RAB8B: variants seen among roughly 807,000 people sequenced by gnomAD.
The protein encoded by RAB8B is RAB8B, member RAS oncogene family.
A neutral mutation model predicts 32.0 loss-of-function variants in RAB8B; 11 were observed. That is an observed-to-expected ratio of 0.34 (90% confidence interval 0.22 to 0.57). The LOEUF (loss-of-function observed/expected upper bound fraction) is 0.57, where lower values mean the gene tolerates loss of function less well. Among genes scored for constraint, RAB8B ranks in the 20% least tolerant of loss-of-function variants. The pLI is 0.86. For synonymous variants in RAB8B, 103 were observed against 89.6 expected (o/e 1.15, Z -0.85); for missense variants, 190 against 258.5 (o/e 0.73, Z 1.82).
At chr15:63,252,591 G>T (rs2038125583) in intron 3 of RAB8B, among the ~76,000 whole-genome samples, 2 of 151,832 alleles carry the variant, frequency 1.3e-5, no homozygotes, top group African/African-American at 4.8e-5. Context: ...GTAGAGCTAG[G>T]GCAGTTATTT....
chr15:63,206,169 T>C (rs1315140304), intron 1 of RAB8B, among the ~76,000 whole-genome samples: 4 of 152,256 alleles, frequency 2.6e-5, no homozygotes, highest in Admixed American at 2.6e-4. Context: ...TATTATTGCC[T>C]ATGGTCTTTT....
intron 1 of RAB8B, among the ~76,000 whole-genome samples, chr15:63,224,274 CAT>C (rs2037871164): frequency 6.6e-6 from 1 of 152,138 alleles, no homozygotes; most frequent in South Asian, 2.1e-4. Flanking sequence ...ATATTCATCC[CAT>C]GTTGGAAGAT....
At chr15:63,232,103 G>A (rs1446287831) in intron 1 of RAB8B, among the ~76,000 whole-genome samples, 3 of 152,146 alleles carry the variant, frequency 2.0e-5, no homozygotes, top group African/African-American at 7.2e-5. Context: ...TACCTGAGTT[G>A]TAGCTGTATT....
At chr15:63,255,304 G>C (rs2038150595) in intron 3 of RAB8B, among the ~76,000 whole-genome samples, 1 of 152,050 alleles carries the variant, frequency 6.6e-6, no homozygotes, top group African/African-American at 2.4e-5. Context: ...ATGTTAAAAG[G>C]GTTTTTATTT....
At chr15:63,235,850 G>A (rs1176726276) in intron 1 of RAB8B, among the ~76,000 whole-genome samples, 1 of 151,842 alleles carries the variant, frequency 6.6e-6, no homozygotes. Context: ...CACTGCTCGA[G>A]TATTCCTACT....
intron 1 of RAB8B, among the ~76,000 whole-genome samples, chr15:63,191,891 CTTTT>C: frequency 6.6e-6 from 1 of 152,250 alleles, no homozygotes; most frequent in African/African-American, 2.4e-5. Context: ...TTAAAAATTA[CTTTT>C]CATTTTGAAG....
At chr15:63,224,496 C>A (rs769432497) in intron 1 of RAB8B, among the ~76,000 whole-genome samples, 17 of 150,422 alleles carry the variant, frequency 1.1e-4, no homozygotes, top group Non-Finnish European at 1.9e-4. Flanking sequence ...ACCTAATTGC[C>A]CCATCTCCTT....
Position 63,218,918 on chromosome 15 carries a change from G to A in RAB8B, c.125-25838G>A, listed in dbSNP as rs78430834. Among the ~76,000 whole-genome samples the A allele has an allele frequency of 5.6e-3, 843 of 150,900 alleles. 7 individuals carry two copies. Among genetic ancestry groups the A allele is most frequent in the African/African-American group, 0.018 (754 of 41,198 alleles). On this transcript the variant is annotated intron_variant, in intron 1 of 7. Coordinates refer to ENST00000321437, the MANE Select transcript of RAB8B (RefSeq NM_016530.3). The stretch of plus-strand genomic sequence containing the variant: ...CTTAAGTTTAACAAATATTTTAGGG[G>A]CAGCTATATACAAGACCCTGAAGTT...
chr15:63,249,598 T>C (rs1406155926), intron 2 of RAB8B, 47 bp from the exon 3 acceptor site: 1 of 1,560,622 alleles, frequency 6.4e-7, no homozygotes, highest in Non-Finnish European at 8.8e-7. Context: ...TCCTCAGTGA[T>C]GCTGGTGATG....
chr15:63,233,770 G>A (rs764499592), intron 1 of RAB8B, among the ~76,000 whole-genome samples: 3 of 152,098 alleles, frequency 2.0e-5, no homozygotes, highest in Non-Finnish European at 2.9e-5. Flanking sequence ...CTGGGATCAC[G>A]TGTTTCCAAA....
chr15:63,244,932 C>T (rs962050535), intron 2 of RAB8B, 116 bp downstream of exon 2: 13 of 872,242 alleles, frequency 1.5e-5, no homozygotes, highest in African/African-American at 5.1e-5. Flanking sequence ...TTTTCTTTAT[C>T]GGAACCAAGG....
intron 1 of RAB8B, among the ~76,000 whole-genome samples, chr15:63,196,189 T>C (rs2037598291): frequency 6.6e-6 from 1 of 152,144 alleles, no homozygotes; most frequent in African/African-American, 2.4e-5. Context: ...TGAGGGCCAT[T>C]ACAATAAGGG....
At chr15:63,262,436 A>G (rs974139421) in intron 6 of RAB8B, among the ~76,000 whole-genome samples, 1 of 152,076 alleles carries the variant, frequency 6.6e-6, no homozygotes, top group African/African-American at 2.4e-5. Context: ...TTAAAGTGGT[A>G]TATTTATATT....
At chr15:63,263,473 A>G in intron 7 of RAB8B, 54 bp from the exon 8 acceptor site, 1 of 1,365,828 alleles carries the variant, frequency 7.3e-7, no homozygotes, top group Non-Finnish European at 1.0e-6. Context: ...TAGGTAACTG[A>G]GGTCAAACCA....
At chr15:63,229,767 C>CAAGA (rs2037919464) in intron 1 of RAB8B, among the ~76,000 whole-genome samples, 2 of 93,482 alleles carry the variant, frequency 2.1e-5, no homozygotes, top group Non-Finnish European at 3.8e-5. Flanking sequence ...GGTGACAGAG[C>CAAGA]AAGACGCTGT....
At chr15:63,227,564 A>G (rs1434770136) in intron 1 of RAB8B, among the ~76,000 whole-genome samples, 1 of 152,210 alleles carries the variant, frequency 6.6e-6, no homozygotes. Flanking sequence ...TTGATGTTCA[A>G]TTTTGTTTTA....
chr15:63,216,371 G>A (rs2037792541), intron 1 of RAB8B, among the ~76,000 whole-genome samples: 1 of 151,172 alleles, frequency 6.6e-6, no homozygotes, highest in African/African-American at 2.4e-5. Context: ...TGGGACTACA[G>A]GCGCACACCA....
chr15:63,193,790 G>GA (rs1420744998), intron 1 of RAB8B, among the ~76,000 whole-genome samples: 1 of 151,360 alleles, frequency 6.6e-6, no homozygotes, highest in Non-Finnish European at 1.5e-5. Flanking sequence ...CAGCCTGGGC[G>GA]ACAGAGCAAG....
At chr15:63,200,380 G>A (rs548048490) in intron 1 of RAB8B, among the ~76,000 whole-genome samples, 10 of 152,302 alleles carry the variant, frequency 6.6e-5, no homozygotes, top group African/African-American at 2.2e-4. Context: ...AAATGTTTTG[G>A]TTTGAGTAAT....
Sources: allele counts gnomAD v4.1 joint callset (sites outside exome capture counted in the v4.1 genomes callset), GRCh38; gene constraint gnomAD v4.1.1; transcripts MANE v1.5; gene names NCBI Gene and HGNC (gene_info 2026-07-23, HGNC 2026-07-21).